CIBAR1: variants seen among roughly 807,000 people sequenced by gnomAD.
CIBAR1 encodes CBY1-interacting BAR domain-containing protein 1.
CIBAR1 carries 25 observed loss-of-function variants against 44.0 expected under a neutral mutation model. The observed-to-expected ratio is 0.57, with a 90% CI of 0.41 to 0.79. The LOEUF is 0.79. CIBAR1 is among the 30% of genes least tolerant of loss of function. The probability of loss-of-function intolerance (pLI) is 0.00; values close to 1 mark genes in which losing one functional copy is unlikely to be tolerated. For synonymous variants in CIBAR1, 115 were observed against 119.0 expected, an observed-to-expected ratio of 0.97 and a Z score of 0.22; for missense variants, 278 against 344.8, an observed-to-expected ratio of 0.81 and a Z score of 1.53.
intron 8 of CIBAR1, chr8:93,726,733 C>T (rs1254744625): frequency 8.0e-6 from 4 of 498,196 alleles, no homozygotes; most frequent in South Asian, 4.2e-5. Flanking sequence ...TAAAGCATAA[C>T]ACTTGAGAGC....
intron 7 of CIBAR1, among the ~76,000 whole-genome samples, chr8:93,724,930 CAG>C (rs1239392872): frequency 2.0e-5 from 3 of 152,074 alleles, no homozygotes; most frequent in South Asian, 2.1e-4. Context: ...GTATGCTTGT[CAG>C]GGGATTAGTT....
intron 6 of CIBAR1, among the ~76,000 whole-genome samples, chr8:93,716,876 T>C (rs2130347132): frequency 6.6e-6 from 1 of 152,372 alleles, no homozygotes; most frequent in South Asian, 2.1e-4. Context: ...ACATCCTTTA[T>C]TGAATATCCT....
At chr8:93,717,267 T>C (rs998486699) in intron 6 of CIBAR1, among the ~76,000 whole-genome samples, 4 of 152,224 alleles carry the variant, frequency 2.6e-5, no homozygotes, top group African/African-American at 4.8e-5. Flanking sequence ...TTTGCAACTA[T>C]CATAAGGACA....
chr8:93,712,070 T>C (rs181864595), intron 6 of CIBAR1, among the ~76,000 whole-genome samples: 37 of 152,324 alleles, frequency 2.4e-4, no homozygotes, highest in Admixed American at 2.2e-3. Flanking sequence ...AGAAAAATTT[T>C]TTAAAAGACA....
rs111546999 is a variant in CIBAR1, at chr8:93,717,469, G to A, written c.544-1206G>A. ...ATGAAGTGACAGTAAGGGTCATTGT[G>A]AATCATCGTTACAAGTCTTTTTTAC... On this transcript the variant is annotated intron_variant, in intron 6 of 8. Coordinates refer to ENST00000518322, the MANE Select transcript of CIBAR1 (RefSeq NM_145269.5). 9.8e-3 allele frequency among the ~76,000 whole-genome samples: 1,496 copies of A among 152,330 alleles called. 10 individuals carry two copies. The highest frequency in any genetic ancestry group is 0.045 in the South Asian group (219 of 4,826).
chr8:93,711,855 C>T (rs1484863772), intron 6 of CIBAR1, among the ~76,000 whole-genome samples: 2 of 152,130 alleles, frequency 1.3e-5, no homozygotes, highest in Admixed American at 6.5e-5. Context: ...CTGAGCATTA[C>T]ACAGTACCAA....
At chr8:93,711,568 A>G (rs1198335718) in intron 6 of CIBAR1, among the ~76,000 whole-genome samples, 2 of 152,162 alleles carry the variant, frequency 1.3e-5, no homozygotes, top group African/African-American at 4.8e-5. Context: ...GTCAGGGTAT[A>G]AAGTTTTATA....
In CIBAR1 at chr8:93,729,241, A is replaced by G. The variant is rs1270272897; in HGVS notation, c.*944A>G. 1 of 152,172 alleles carries G rather than the reference A, an allele frequency of 6.6e-6. No individual in the cohort carries two copies. The highest frequency in any genetic ancestry group is 1.5e-5 in the Non-Finnish European group (1 of 67,986). The allele number at this position is 152,172 out of a possible 1,614,324, so 9.4% of individuals were successfully genotyped here. A position where few individuals can be genotyped will look rare whatever the true frequency, so the allele number is the denominator to read the frequency against. ...CATAACAGAAAAATAAAGACTTTCT[A>G]GAAAGCTTCTGACTTTGTCAATCAT... is the stretch of plus-strand genomic sequence containing the variant. On this transcript the variant is annotated 3_prime_UTR_variant, in exon 9 of 9. Transcript: ENST00000518322.
intron 8 of CIBAR1, chr8:93,726,990 TTTTC>T (rs1247398987): frequency 1.4e-5 from 6 of 421,590 alleles, no homozygotes; most frequent in Non-Finnish European, 2.3e-5. Context: ...CTGACAAACT[TTTTC>T]TTTAAGATGT....
At chr8:93,721,539 A>G (rs1811261985) in intron 7 of CIBAR1, among the ~76,000 whole-genome samples, 1 of 152,142 alleles carries the variant, frequency 6.6e-6, no homozygotes. Flanking sequence ...TTTTTTTAAT[A>G]TCAACTCCCC....
At chr8:93,707,928 A>G (rs1352531875) in intron 4 of CIBAR1, 83 bp from the exon 5 acceptor site, 6 of 875,440 alleles carry the variant, frequency 6.9e-6, no homozygotes, top group Non-Finnish European at 1.0e-5. Context: ...GTAAGTGTAT[A>G]TAATTCTATG....
intron 6 of CIBAR1, among the ~76,000 whole-genome samples, chr8:93,714,350 T>A (rs768104911): frequency 6.6e-6 from 1 of 152,180 alleles, no homozygotes; most frequent in African/African-American, 2.4e-5. Context: ...GTTCTAATAG[T>A]TTTTTAGTGG....
intron 4 of CIBAR1, chr8:93,705,362 C>T (rs1810538656): frequency 7.9e-6 from 2 of 253,824 alleles, no homozygotes; most frequent in Non-Finnish European, 7.4e-6. Flanking sequence ...TATCAGTGTC[C>T]TCTATGCCCT....
intron 6 of CIBAR1, chr8:93,716,015 G>A (rs1474118185): frequency 6.6e-6 from 1 of 152,088 alleles, no homozygotes; most frequent in African/African-American, 2.4e-5. Flanking sequence ...ACTAAACCTT[G>A]CATAAGCACA....
Position 93,730,363 on chromosome 8 carries a change from G to A in CIBAR1, c.*2066G>A, listed in dbSNP as rs1257069520. The A allele has an allele frequency of 6.6e-6, 1 of 152,268 alleles. No homozygotes were observed. Among genetic ancestry groups the A allele is most frequent in the Non-Finnish European group, 1.5e-5 (1 of 68,024 alleles). 9.4% of individuals were successfully genotyped at this position (152,268 alleles called of 1,614,324 possible). Reference sequence around the variant, plus strand: ...CATGATTTTTACCTATCTCTTGGTTGTGGGATTGACTTTCTAGACATGATC... The same window carrying A: ...CATGATTTTTACCTATCTCTTGGTTATGGGATTGACTTTCTAGACATGATC... On this transcript the variant is annotated 3_prime_UTR_variant, in exon 9 of 9. Coordinates refer to ENST00000518322, the MANE Select transcript of CIBAR1 (RefSeq NM_145269.5).
At chr8:93,718,856 A>T in intron 7 of CIBAR1, 68 bp downstream of exon 7, 1 of 966,932 alleles carries the variant, frequency 1.0e-6, no homozygotes, top group Non-Finnish European at 1.5e-6. Flanking sequence ...GAACATTAGT[A>T]TGTGATTAAT....
At chr8:93,715,033 A>G (rs1810986909) in intron 6 of CIBAR1, among the ~76,000 whole-genome samples, 1 of 152,218 alleles carries the variant, frequency 6.6e-6, no homozygotes, top group Non-Finnish European at 1.5e-5. Context: ...ACTGCTCATA[A>G]CTGTGAGTGC....
At position 93,709,796 on chromosome 8, in the gene CIBAR1, C is replaced by G. The variant is rs1366051437; in HGVS notation, c.464C>G (p.Ala155Gly). 1.9e-6 allele frequency: 3 copies of G among 1,613,086 alleles called. No homozygotes were observed. The highest frequency in any genetic ancestry group is 2.5e-6 in the Non-Finnish European group (3 of 1,179,656). ...SQAETELQRA[A>G]MDASRTSRHL... ...GCAGAAACGGAATTACAGAGAGCTGCAATGGATGCTAGCCGAACAAGTCGT... is the reference window on the plus strand; with the variant it reads ...GCAGAAACGGAATTACAGAGAGCTGGAATGGATGCTAGCCGAACAAGTCGT... Residue 155 changes from alanine to glycine, a missense_variant, in exon 6 of 9, where the codon GCA becomes GGA. Physicochemically the swap from Ala to Gly is moderately conservative, Grantham distance 60 (BLOSUM62 0). Around this residue, in one of 3 missense-constraint regions of CIBAR1, gnomAD observed 183 missense variants for 218.6 expected, o/e 0.84. Coordinates refer to ENST00000518322, the MANE Select transcript of CIBAR1 (RefSeq NM_145269.5).
In CIBAR1 at chr8:93,709,767, G is replaced by A. The variant is rs1810746601; in HGVS notation, c.439-4G>A. 6.2e-7 allele frequency: 1 copy of A among 1,611,948 alleles called. No individual in the cohort carries two copies. Among genetic ancestry groups the A allele is most frequent in the South Asian group, 1.1e-5 (1 of 90,564 alleles). On this transcript the variant is annotated splice_region_variant and splice_polypyrimidine_tract_variant and intron_variant, in intron 5 of 8. Coordinates refer to ENST00000518322, the MANE Select transcript of CIBAR1 (RefSeq NM_145269.5). ...ATATCCTTGGTTGGGGAATACTTTT[G>A]TAGGCAGAAACGGAATTACAGAGAG...
Sources: gnomAD v4.1 joint callset for allele counts (sites outside exome capture counted in the v4.1 genomes callset) on GRCh38, gnomAD v4.1.1 for gene constraint, gnomAD v4.1.1 regional missense constraint, MANE v1.5 for transcripts, NCBI Gene and HGNC (gene_info 2026-07-23, HGNC 2026-07-21) for gene names.